The following KCNH1 variants were observed in gnomAD, a reference collection of about 807,000 sequenced individuals.
The protein encoded by KCNH1 is voltage-gated delayed rectifier potassium channel KCNH1.
A neutral mutation model predicts 69.2 loss-of-function variants in KCNH1; 27 were observed. The observed-to-expected ratio is 0.39, with a 90% CI of 0.29 to 0.54. The LOEUF (loss-of-function observed/expected upper bound fraction) is 0.54, where lower values mean the gene tolerates loss of function less well. Among genes scored for constraint, KCNH1 ranks in the 20% least tolerant of loss-of-function variants. KCNH1 has a pLI of 0.68. For missense variants in KCNH1, 798 were observed against 1,261.6 expected (o/e 0.63, Z 5.57); for synonymous variants, 456 against 487.7 (o/e 0.93, Z 0.86).
At chr1:210,761,284 A>G (rs962425209) in intron 10 of KCNH1, among the ~76,000 whole-genome samples, 7 of 144,014 alleles carry the variant, frequency 4.9e-5, no homozygotes, top group Non-Finnish European at 7.6e-5. Flanking sequence ...AAGTACATGT[A>G]AGCACATAGC....
rs1262579157 is a variant in KCNH1 at position 210,695,642 on chromosome 1, GCAAA to G, written c.2113-11508_2113-11505del. ...AAACTAGAAGGGTGCTTGTCACACA[GCAAA>G]CATTCAGTGACTATCTGGGGACTGA... is the stretch of plus-strand genomic sequence containing the variant. On this transcript the variant is annotated intron_variant, in intron 10 of 10. Coordinates refer to ENST00000271751, the MANE Select transcript of KCNH1 (RefSeq NM_172362.3). 2.0e-5 allele frequency among the ~76,000 whole-genome samples: 3 copies of G among 152,156 alleles called. No homozygotes were observed. In the East Asian group the frequency reaches 5.8e-4, roughly 29 times the overall value.
At chr1:211,081,765 CAAT>C (rs1338026264) in intron 5 of KCNH1, among the ~76,000 whole-genome samples, 1 of 152,096 alleles carries the variant, frequency 6.6e-6, no homozygotes, top group Non-Finnish European at 1.5e-5. Flanking sequence ...GGGAATTGAA[CAAT>C]GAGAACACTT....
At chr1:211,061,150 A>C (rs953543786) in intron 5 of KCNH1, among the ~76,000 whole-genome samples, 1 of 152,196 alleles carries the variant, frequency 6.6e-6, no homozygotes, top group Non-Finnish European at 1.5e-5. Flanking sequence ...CAAGGGGTTC[A>C]ACAAATTATG....
intron 7 of KCNH1, among the ~76,000 whole-genome samples, chr1:210,845,171 C>A (rs1685510301): frequency 6.6e-6 from 1 of 152,144 alleles, no homozygotes. Flanking sequence ...TGGTACCATT[C>A]CTTCTGAAAC....
At chr1:210,844,131 C>A (rs1478668944) in intron 7 of KCNH1, among the ~76,000 whole-genome samples, 3 of 152,062 alleles carry the variant, frequency 2.0e-5, no homozygotes, top group Non-Finnish European at 2.9e-5. Flanking sequence ...TTGGTAAAAA[C>A]AATCTGCTGG....
intron 7 of KCNH1, among the ~76,000 whole-genome samples, chr1:210,903,376 A>G (rs962312627): frequency 1.3e-5 from 2 of 152,198 alleles, no homozygotes; most frequent in Admixed American, 6.5e-5. Context: ...TATACTTGTC[A>G]AAGACAGGCA....
At chr1:210,974,069 T>TTCTC (rs1229317265) in intron 6 of KCNH1, among the ~76,000 whole-genome samples, 2 of 151,892 alleles carry the variant, frequency 1.3e-5, no homozygotes, top group Non-Finnish European at 2.9e-5. Flanking sequence ...AATGATTACT[T>TTCTC]TCTCTCTCTC....
In KCNH1 at chr1:210,684,144, G is replaced by A; in HGVS notation, c.2113-6C>T. 1.4e-6 allele frequency: 2 copies of A among 1,466,380 alleles called. No individual in the cohort carries two copies. Among genetic ancestry groups the A allele is most frequent in the Non-Finnish European group, 1.8e-6 (2 of 1,099,292 alleles). The allele number at this position is 1,466,380 out of a possible 1,614,324, so 90.8% of individuals were successfully genotyped here. A position where few individuals can be genotyped will look rare whatever the true frequency, so the allele number is the denominator to read the frequency against. On this transcript the variant is annotated splice_region_variant and splice_polypyrimidine_tract_variant and intron_variant, in intron 10 of 10. Coordinates refer to ENST00000271751, the MANE Select transcript of KCNH1 (RefSeq NM_172362.3). ...CTGATCTTCCGGAACACAATCTGGA[G>A]AGAGAGAGAGAGAGAATGACATGGC...
chr1:210,985,906 G>C (rs1439624612), intron 6 of KCNH1, among the ~76,000 whole-genome samples: 1 of 152,154 alleles, frequency 6.6e-6, no homozygotes, highest in African/African-American at 2.4e-5. Context: ...CATTATTATT[G>C]TGTGGGAGTC....
intron 10 of KCNH1, among the ~76,000 whole-genome samples, chr1:210,698,810 C>T (rs946648155): frequency 1.3e-5 from 2 of 152,216 alleles, no homozygotes; most frequent in African/African-American, 2.4e-5. Context: ...GAGTAAGAGG[C>T]TGAACCCAGG....
intron 5 of KCNH1, among the ~76,000 whole-genome samples, chr1:211,025,674 G>A (rs1196048153): frequency 9.9e-5 from 15 of 151,976 alleles, no homozygotes; most frequent in African/African-American, 3.6e-4. Flanking sequence ...AAGGGTGGAA[G>A]GCTACCCTGA....
At chr1:211,037,168 T>A (rs974219566) in intron 5 of KCNH1, among the ~76,000 whole-genome samples, 4 of 152,104 alleles carry the variant, frequency 2.6e-5, no homozygotes, top group Non-Finnish European at 5.9e-5. Context: ...GTTCTACAGA[T>A]GGGAAAATGG....
rs139579389 is a variant in KCNH1 at position 210,706,322 on chromosome 1, T to G, written c.2113-22184A>C. 4.2e-3 allele frequency among the ~76,000 whole-genome samples: 647 copies of G among 152,350 alleles called. 3 individuals are homozygous for G. The highest frequency in any genetic ancestry group is 0.014 in the African/African-American group (575 of 41,584). On this transcript the variant is annotated intron_variant, in intron 10 of 10. Transcript: ENST00000271751. The stretch of plus-strand genomic sequence containing the variant: ...TACAGAGGGCTTGCTGTGCCCCTTC[T>G]GAGTCCCCAGTCATTGATATGTGCA...
chr1:210,849,020 G>C (rs1685623579), intron 7 of KCNH1, among the ~76,000 whole-genome samples: 1 of 152,090 alleles, frequency 6.6e-6, no homozygotes. Flanking sequence ...AGATTAAGTA[G>C]TACACTAAAA....
chr1:210,741,185 G>A (rs975045959), intron 10 of KCNH1, among the ~76,000 whole-genome samples: 5 of 152,138 alleles, frequency 3.3e-5, no homozygotes, highest in Admixed American at 6.5e-5. Context: ...GAATGATGCC[G>A]TCACATGATC....
intron 7 of KCNH1, among the ~76,000 whole-genome samples, chr1:210,821,820 A>C (rs1348913407): frequency 1.3e-5 from 2 of 148,270 alleles, no homozygotes; most frequent in Non-Finnish European, 1.5e-5. Flanking sequence ...TTATTTATTT[A>C]TTTATTTATT....
chr1:210,872,631 G>A (rs530010824), intron 7 of KCNH1, among the ~76,000 whole-genome samples: 118 of 152,256 alleles, frequency 7.8e-4, no homozygotes, highest in Admixed American at 2.6e-3. Context: ...GGGGGAGCAA[G>A]GTGTCTTACA....
intron 5 of KCNH1, among the ~76,000 whole-genome samples, chr1:211,037,380 G>A (rs1286426159): frequency 6.6e-6 from 1 of 151,656 alleles, no homozygotes. Flanking sequence ...CTGGTATTTT[G>A]CTTATTTTAC....
chr1:210,788,322 T>C (rs1684140835), intron 9 of KCNH1, among the ~76,000 whole-genome samples: 1 of 152,228 alleles, frequency 6.6e-6, no homozygotes, highest in East Asian at 1.9e-4. Context: ...TATATATAGC[T>C]ATATATTCTG....
Sources: allele counts gnomAD v4.1 joint callset (sites outside exome capture counted in the v4.1 genomes callset), GRCh38; gene constraint gnomAD v4.1.1; transcripts MANE v1.5; gene names NCBI Gene and HGNC (gene_info 2026-07-23, HGNC 2026-07-21).